CDH6: variants seen among roughly 807,000 people sequenced by gnomAD.
CDH6 encodes cadherin-6.
A neutral mutation model predicts 78.0 loss-of-function variants in CDH6; 31 were observed. The observed-to-expected ratio is 0.40, with a 90% CI of 0.30 to 0.54. CDH6 has a LOEUF of 0.54. Among genes scored for constraint, CDH6 ranks in the 20% least tolerant of loss-of-function variants. CDH6 has a pLI of 0.56. For missense variants in CDH6, 724 were observed against 975.9 expected, an observed-to-expected ratio of 0.74 and a Z score of 3.44; for synonymous variants, 376 against 368.8, an observed-to-expected ratio of 1.02 and a Z score of -0.23.
chr5:31,266,872 G>T (rs1460943283), intron 1 of CDH6, among the ~76,000 whole-genome samples: 1 of 152,138 alleles, frequency 6.6e-6, no homozygotes, highest in Non-Finnish European at 1.5e-5. Context: ...CCTGACTCAC[G>T]CCTGGCACAT....
rs1738545943 is a variant in CDH6 at position 31,323,877 on chromosome 5, T to C, written c.*569T>C. ...CTATTCAAAACCTCAAATCCACCCATATGTTAAAATTCTCATTACTCTTAA... is the reference window on the plus strand; with the variant it reads ...CTATTCAAAACCTCAAATCCACCCACATGTTAAAATTCTCATTACTCTTAA... On this transcript the variant is annotated 3_prime_UTR_variant, in exon 12 of 12. Coordinates refer to ENST00000265071, the MANE Select transcript of CDH6 (RefSeq NM_004932.4). The C allele has an allele frequency of 4.4e-6, 1 of 229,382 alleles. No homozygotes were observed. Among genetic ancestry groups the C allele is most frequent in the African/African-American group, 2.2e-5 (1 of 45,122 alleles). The allele number at this position is 229,382 out of a possible 1,614,324, so 14.2% of individuals were successfully genotyped here. A position where few individuals can be genotyped will look rare whatever the true frequency, so the allele number is the denominator to read the frequency against.
intron 1 of CDH6, among the ~76,000 whole-genome samples, chr5:31,206,980 C>T (rs1740543457): frequency 6.6e-6 from 1 of 152,004 alleles, no homozygotes; most frequent in African/African-American, 2.4e-5. Context: ...CCTACAATTT[C>T]CCCAGTGATT....
intron 2 of CDH6, among the ~76,000 whole-genome samples, chr5:31,279,748 A>C (rs1196374526): frequency 6.6e-6 from 1 of 152,210 alleles, no homozygotes; most frequent in Non-Finnish European, 1.5e-5. Context: ...TGGCAGAGGC[A>C]GAAGAAAATC....
Position 31,325,303 on chromosome 5 carries a change from GTT to G in CDH6, c.*1996_*1997del, listed in dbSNP as rs1738598504. 2 of 206,620 alleles carry G rather than the reference GTT, an allele frequency of 9.7e-6. No homozygotes were observed. The highest frequency in any genetic ancestry group is 7.3e-5 in the Admixed American group (1 of 13,736). 12.8% of individuals were successfully genotyped at this position (206,620 alleles called of 1,614,324 possible). A position where few individuals can be genotyped will look rare whatever the true frequency, so the allele number is the denominator to read the frequency against. On this transcript the variant is annotated 3_prime_UTR_variant, in exon 12 of 12. Transcript: ENST00000265071. Reference sequence around the variant, plus strand: ...CTGCTTTCAGGGTTTCTTTTTTCTAGTTCTTCATACACACACATACACACACA... The same window carrying G: ...CTGCTTTCAGGGTTTCTTTTTTCTAGCTTCATACACACACATACACACACA...
At chr5:31,319,419 G>A (rs1738418183) in intron 11 of CDH6, among the ~76,000 whole-genome samples, 1 of 152,218 alleles carries the variant, frequency 6.6e-6, no homozygotes, top group Non-Finnish European at 1.5e-5. Context: ...GTCAGATGCT[G>A]TGCAAGATGC....
At chr5:31,316,072 G>A (rs954931473) in intron 8 of CDH6, 136 bp from the exon 9 acceptor site, 3 of 854,842 alleles carry the variant, frequency 3.5e-6, no homozygotes, top group Admixed American at 3.1e-5. Context: ...GACCACACTG[G>A]TACTTAATGC....
intron 1 of CDH6, among the ~76,000 whole-genome samples, chr5:31,222,070 C>A (rs1741018074): frequency 6.6e-6 from 1 of 152,106 alleles, no homozygotes; most frequent in Non-Finnish European, 1.5e-5. Context: ...ATACCTTTTT[C>A]TATTGTAGTT....
chr5:31,213,624 C>T (rs879898085), intron 1 of CDH6, among the ~76,000 whole-genome samples: 22 of 152,122 alleles, frequency 1.4e-4, no homozygotes, highest in Admixed American at 1.2e-3. Context: ...AAAGCCTTTT[C>T]GGAAGTAGTT....
In CDH6 at chr5:31,313,333, A is replaced by G. The variant is rs779613584; in HGVS notation, c.1269A>G (p.Arg423=). Residue 423 remains arginine (R), a synonymous_variant, in exon 8 of 12, where the codon CGA becomes CGG. Coordinates refer to ENST00000265071, the MANE Select transcript of CDH6 (RefSeq NM_004932.4). ...ARNPVKYSVD[R]HTDMDRIFNI... Reference sequence around the variant, plus strand: ...GCATTTTCAGGTACTCTGTAGATCGACACACAGATATGGACAGAATATTCA... The same window carrying G: ...GCATTTTCAGGTACTCTGTAGATCGGCACACAGATATGGACAGAATATTCA... The G allele has an allele frequency of 6.2e-7, 1 of 1,613,518 alleles. No individual in the cohort carries two copies. Among genetic ancestry groups the G allele is most frequent in the Admixed American group, 1.7e-5 (1 of 60,004 alleles).
intron 1 of CDH6, among the ~76,000 whole-genome samples, chr5:31,213,493 G>A (rs1740775569): frequency 6.6e-6 from 1 of 152,156 alleles, no homozygotes; most frequent in African/African-American, 2.4e-5. Context: ...GTGGGTAAAG[G>A]AAAACAGCAG....
At chr5:31,302,800 GAAAGAAAGAA>G (rs1737824857) in intron 6 of CDH6, among the ~76,000 whole-genome samples, 3 of 59,752 alleles carry the variant, frequency 5.0e-5, no homozygotes, top group Non-Finnish European at 6.6e-5. Context: ...GAGAGAGAGA[GAAAGAAAGAA>G]AGAAAGAAAG....
intron 1 of CDH6, among the ~76,000 whole-genome samples, chr5:31,227,221 A>T (rs1415470665): frequency 1.3e-5 from 2 of 152,134 alleles, no homozygotes; most frequent in African/African-American, 2.4e-5. Context: ...AAAGGAACGT[A>T]CGGCGGGAAA....
chr5:31,224,341 C>T (rs1741085846), intron 1 of CDH6, among the ~76,000 whole-genome samples: 1 of 152,130 alleles, frequency 6.6e-6, no homozygotes, highest in Non-Finnish European at 1.5e-5. Flanking sequence ...CTGGGTCCTC[C>T]CCACAACATG....
At chr5:31,226,732 T>C (rs922523774) in intron 1 of CDH6, among the ~76,000 whole-genome samples, 11 of 152,216 alleles carry the variant, frequency 7.2e-5, no homozygotes, top group Admixed American at 6.5e-5. Flanking sequence ...GAACATGAAA[T>C]GCTTTTACAA....
At chr5:31,254,339 G>A (rs1191988770) in intron 1 of CDH6, among the ~76,000 whole-genome samples, 1 of 151,992 alleles carries the variant, frequency 6.6e-6, no homozygotes, top group Admixed American at 6.6e-5. Context: ...CACTTAATAA[G>A]GAAAGAAAAA....
rs552543601 is a variant in CDH6 at position 31,304,332 on chromosome 5, G to A, written c.1000-842G>A. 2.0e-5 allele frequency among the ~76,000 whole-genome samples: 3 copies of A among 152,252 alleles called. No individual in the cohort carries two copies. In the South Asian group the frequency reaches 6.2e-4, roughly 32 times the overall value. ...TTAATCTGCACGCCCAGATATGTTG[G>A]TTTAATGGTCCACGCTGGGGCCAAG... On this transcript the variant is annotated intron_variant, in intron 6 of 11. Coordinates refer to ENST00000265071, the MANE Select transcript of CDH6 (RefSeq NM_004932.4).
At position 31,323,242 on chromosome 5, in the gene CDH6, C is replaced by T. The variant is rs1738524027; in HGVS notation, c.2307C>T (p.Asp769=). ...DADQDYDYLS[D]WGPRFKKLAD... ...ATCAAGACTATGATTACCTTAGTGACTGGGGACCTCGATTCAAAAAGCTTG... is the reference window on the plus strand; with the variant it reads ...ATCAAGACTATGATTACCTTAGTGATTGGGGACCTCGATTCAAAAAGCTTG... The change falls in exon 12 of 12, where the codon GAC becomes GAT. Residue 769 remains aspartate (D), a synonymous_variant. Transcript: ENST00000265071. 6.2e-7 allele frequency: 1 copy of T among 1,614,148 alleles called. No homozygotes were observed. The highest frequency in any genetic ancestry group is 1.6e-4 in the Middle Eastern group (1 of 6,062).
At chr5:31,302,041 G>T (rs544152498) in intron 5 of CDH6, 70 bp from the exon 6 acceptor site, 297 of 1,016,170 alleles carry the variant, frequency 2.9e-4, no homozygotes, top group Non-Finnish European at 4.0e-4. Context: ...TTAGAGAATA[G>T]GTTTTGTTTT....
chr5:31,217,750 G>A (rs1740906817), intron 1 of CDH6, among the ~76,000 whole-genome samples: 1 of 152,060 alleles, frequency 6.6e-6, no homozygotes, highest in Admixed American at 6.6e-5. Flanking sequence ...ACAATATAAA[G>A]CCTCTAGGAG....
Sources: allele counts gnomAD v4.1 joint callset (sites outside exome capture counted in the v4.1 genomes callset), GRCh38; gene constraint gnomAD v4.1.1; transcripts MANE v1.5; gene names NCBI Gene and HGNC (gene_info 2026-07-23, HGNC 2026-07-21).